CNTNAP2: variants seen among roughly 807,000 people sequenced by gnomAD.
CNTNAP2 encodes contactin-associated protein-like 2.
CNTNAP2 carries 98 observed loss-of-function variants against 155.2 expected under a neutral mutation model. The observed-to-expected ratio is 0.63, with a 90% CI of 0.54 to 0.75. The LOEUF (loss-of-function observed/expected upper bound fraction) is 0.75, where lower values mean the gene tolerates loss of function less well. CNTNAP2 is among the 30% of genes least tolerant of loss of function. The pLI is 0.00. For synonymous variants in CNTNAP2, 651 were observed against 631.2 expected, an observed-to-expected ratio of 1.03 and a Z score of -0.47; for missense variants, 1,727 against 1,688.1, an observed-to-expected ratio of 1.02 and a Z score of -0.40.
chr7:146,311,833 A>ATG (rs1800830456), intron 1 of CNTNAP2: 1 of 151,224 alleles, frequency 6.6e-6, no homozygotes, highest in African/African-American at 2.4e-5. Flanking sequence ...ATATATATAT[A>ATG]TATTAGATTT....
intron 3 of CNTNAP2, among the ~76,000 whole-genome samples, chr7:147,004,889 G>A (rs1215278018): frequency 6.6e-6 from 1 of 151,948 alleles, no homozygotes; most frequent in African/African-American, 2.4e-5. Flanking sequence ...ATATATTGTT[G>A]AGTAAGAAGT....
chr7:148,316,228 T>C (rs1215236118), intron 21 of CNTNAP2, among the ~76,000 whole-genome samples: 1 of 152,004 alleles, frequency 6.6e-6, no homozygotes, highest in East Asian at 1.9e-4. Context: ...TTAGGAGATA[T>C]ACCTAATGTA....
At chr7:147,495,665 T>C (rs1465287329) in intron 11 of CNTNAP2, among the ~76,000 whole-genome samples, 1 of 152,200 alleles carries the variant, frequency 6.6e-6, no homozygotes, top group Non-Finnish European at 1.5e-5. Context: ...ATTTGAATCA[T>C]GGGTGAAGCT....
At chr7:147,047,488 A>G (rs1310093273) in intron 4 of CNTNAP2, among the ~76,000 whole-genome samples, 9 of 151,908 alleles carry the variant, frequency 5.9e-5, no homozygotes, top group Admixed American at 3.9e-4. Flanking sequence ...CTATCTATTT[A>G]TATATCTATC....
chr7:148,016,684 A>G (rs1424227749), intron 15 of CNTNAP2, among the ~76,000 whole-genome samples: 1 of 152,236 alleles, frequency 6.6e-6, no homozygotes, highest in African/African-American at 2.4e-5. Context: ...AGAAGTTACC[A>G]TAATCATACT....
At chr7:146,388,253 A>G (rs1490181843) in intron 1 of CNTNAP2, among the ~76,000 whole-genome samples, 3 of 151,874 alleles carry the variant, frequency 2.0e-5, no homozygotes, top group Admixed American at 6.6e-5. Flanking sequence ...CAACATGGCA[A>G]AACCCTGTTT....
chr7:146,482,754 G>T lies in CNTNAP2; in HGVS notation c.98-291517G>T, dbSNP rs576207693. On this transcript the variant is annotated intron_variant, in intron 1 of 23. Coordinates refer to ENST00000361727, the MANE Select transcript of CNTNAP2 (RefSeq NM_014141.6). ...AAGACTGTCTCAAAAAAAAAAAATT[G>T]TCATAATTTAAACATGAAATATTTT... 1.6e-4 allele frequency among the ~76,000 whole-genome samples: 24 copies of T among 151,216 alleles called. No homozygotes were observed. In the East Asian group the frequency reaches 4.7e-3, roughly 30 times the overall value.
intron 17 of CNTNAP2, among the ~76,000 whole-genome samples, chr7:148,149,860 T>C (rs1805263407): frequency 1.3e-5 from 2 of 152,038 alleles, no homozygotes; most frequent in Admixed American, 1.3e-4. Flanking sequence ...CCTGTGTTGT[T>C]TTAATTTAGC....
intron 12 of CNTNAP2, among the ~76,000 whole-genome samples, chr7:147,584,861 A>G (rs1800586760): frequency 6.6e-6 from 1 of 152,162 alleles, no homozygotes; most frequent in African/African-American, 2.4e-5. Flanking sequence ...GAAGCCTCAC[A>G]AAAACTCCCT....
intron 1 of CNTNAP2, among the ~76,000 whole-genome samples, chr7:146,619,163 GTGT>G (rs1334940899): frequency 2.0e-5 from 3 of 151,858 alleles, no homozygotes; most frequent in Non-Finnish European, 2.9e-5. Flanking sequence ...ATTTATAGAA[GTGT>G]TGTTCATTTT....
At chr7:147,022,950 G>A (rs968610544) in intron 3 of CNTNAP2, among the ~76,000 whole-genome samples, 2 of 152,020 alleles carry the variant, frequency 1.3e-5, no homozygotes, top group African/African-American at 2.4e-5. Context: ...TTTTAATAGA[G>A]GTCATGGTTT....
At chr7:147,729,839 T>G (rs1363176260) in intron 13 of CNTNAP2, among the ~76,000 whole-genome samples, 2 of 152,086 alleles carry the variant, frequency 1.3e-5, no homozygotes, top group Non-Finnish European at 2.9e-5. Context: ...TTATAGAACA[T>G]GACTTTTACT....
At chr7:147,383,066 A>T (rs1277651495) in intron 9 of CNTNAP2, among the ~76,000 whole-genome samples, 1 of 152,134 alleles carries the variant, frequency 6.6e-6, no homozygotes. Context: ...CAGGATTGAA[A>T]TTGCCAACAC....
chr7:148,071,351 G>A (rs1803378433), intron 15 of CNTNAP2, among the ~76,000 whole-genome samples: 1 of 152,154 alleles, frequency 6.6e-6, no homozygotes, highest in African/African-American at 2.4e-5. Context: ...ATAGCAGCAG[G>A]TGCATGTAAT....
At chr7:148,270,817 C>T (rs1456625336) in intron 21 of CNTNAP2, among the ~76,000 whole-genome samples, 2 of 152,160 alleles carry the variant, frequency 1.3e-5, no homozygotes, top group African/African-American at 2.4e-5. Context: ...TCCAGTTCTA[C>T]CTCTGTTAGC....
chr7:147,379,577 C>G (rs1796498475), intron 9 of CNTNAP2, among the ~76,000 whole-genome samples: 1 of 151,998 alleles, frequency 6.6e-6, no homozygotes, highest in Non-Finnish European at 1.5e-5. Flanking sequence ...AGTGTAAATT[C>G]AAAAGCTGTA....
intron 15 of CNTNAP2, among the ~76,000 whole-genome samples, chr7:148,110,038 G>A (rs891259194): frequency 1.3e-5 from 2 of 151,576 alleles, no homozygotes; most frequent in Non-Finnish European, 2.9e-5. Context: ...ATCCTAAACA[G>A]GTCCTGTTAA....
intron 1 of CNTNAP2, among the ~76,000 whole-genome samples, chr7:146,623,144 ACT>A (rs375159695): frequency 2.0e-5 from 3 of 151,796 alleles, no homozygotes; most frequent in African/African-American, 7.3e-5. Context: ...AGTCTTGCAA[ACT>A]CTATTTCCAA....
chr7:147,837,995 A>C (rs774448132), intron 13 of CNTNAP2, among the ~76,000 whole-genome samples: 1 of 152,188 alleles, frequency 6.6e-6, no homozygotes, highest in Non-Finnish European at 1.5e-5. Context: ...CTGGACATCC[A>C]GGCATTTCCA....
Sources: gnomAD v4.1 joint callset for allele counts (sites outside exome capture counted in the v4.1 genomes callset) on GRCh38, gnomAD v4.1.1 for gene constraint, MANE v1.5 for transcripts, NCBI Gene and HGNC (gene_info 2026-07-23, HGNC 2026-07-21) for gene names.